Variants in PDXK observed in about 807,000 individuals in gnomAD.
The protein encoded by PDXK is epididymis secretory sperm binding protein Li 1a.
A neutral mutation model predicts 43.2 loss-of-function variants in PDXK; 15 were observed. The observed-to-expected ratio is 0.35, with a 90% CI of 0.23 to 0.53. PDXK has a LOEUF of 0.53. Among genes scored for constraint, PDXK ranks in the 20% least tolerant of loss-of-function variants. PDXK has a pLI of 0.92. For synonymous variants in PDXK, 172 were observed against 165.4 expected (o/e 1.04, Z -0.31); for missense variants, 343 against 417.0 (o/e 0.82, Z 1.54).
rs141434403 is a variant in PDXK at position 43,750,513 on chromosome 21, C to T, written c.478C>T (p.Arg160Trp). Residue 160 changes from arginine to tryptophan, a missense_variant, in exon 7 of 11, where the codon CGG becomes TGG. By Grantham distance (101) the Arg-to-Trp change is moderately radical. Coordinates refer to ENST00000291565, the MANE Select transcript of PDXK (RefSeq NM_003681.5). ...NQFEAELLSG[R>W]KIHSQEEALR... The stretch of plus-strand genomic sequence containing the variant: ...CCTGTCTTCCAGGTTACTGAGTGGC[C>T]GGAAGATCCACAGCCAGGAGGAAGC... The T allele has an allele frequency of 1.6e-4, 265 of 1,612,626 alleles. No homozygotes were observed. The highest frequency in any genetic ancestry group is 8.2e-4 in the Middle Eastern group (5 of 6,082).
rs752808008 is a variant in PDXK at position 43,752,647 on chromosome 21, G to A, written c.622+18G>A. ...GAGGAGGAGTAAGTGCCCCCATCGT[G>A]CACCGTGGCCGCCTCTGCTCTTCCC... On this transcript the variant is annotated intron_variant, in intron 8 of 10. Coordinates refer to ENST00000291565, the MANE Select transcript of PDXK (RefSeq NM_003681.5). 4 of 1,468,664 alleles carry A rather than the reference G, an allele frequency of 2.7e-6. No individual in the cohort carries two copies. In the East Asian group the frequency reaches 9.0e-5, roughly 33 times the overall value. The allele number at this position is 1,468,664 out of a possible 1,614,324, so 91.0% of individuals were successfully genotyped here. A position where few individuals can be genotyped will look rare whatever the true frequency, so the allele number is the denominator to read the frequency against.
At position 43,752,635 on chromosome 21, in the gene PDXK, T is replaced by G; in HGVS notation, c.622+6T>G. The stretch of plus-strand genomic sequence containing the variant: ...GCTGGGGAGTCAGAGGAGGAGTAAG[T>G]GCCCCCATCGTGCACCGTGGCCGCC... On this transcript the variant is annotated splice_donor_region_variant and intron_variant, in intron 8 of 10. Transcript: ENST00000291565. The G allele has an allele frequency of 1.9e-6, 3 of 1,566,156 alleles. No individual in the cohort carries two copies. Among genetic ancestry groups the G allele is most frequent in the Non-Finnish European group, 2.6e-6 (3 of 1,137,256 alleles).
intron 1 of PDXK, among the ~76,000 whole-genome samples, chr21:43,733,066 C>T (rs964268621): frequency 1.3e-5 from 2 of 152,162 alleles, no homozygotes; most frequent in African/African-American, 4.8e-5. Flanking sequence ...AGTTAAAGTG[C>T]TAACTTTAAC....
rs2083423724 is a variant in PDXK at position 43,737,405 on chromosome 21, C to A, written c.142+3282C>A. Reference sequence around the variant, plus strand: ...ACACCGTGAGCTGGGCTTGGCAGAGCCTCCACCTTGTGGCCAGTATTCCCA... The same window carrying A: ...ACACCGTGAGCTGGGCTTGGCAGAGACTCCACCTTGTGGCCAGTATTCCCA... On this transcript the variant is annotated intron_variant, in intron 2 of 10. Transcript: ENST00000291565. The surrounding 1 kb of genome is among the most constrained non-coding windows in gnomAD (Gnocchi z 4.8). 8.7e-7 allele frequency: 1 copy of A among 1,151,662 alleles called. No homozygotes were observed. Among genetic ancestry groups the A allele is most frequent in the Non-Finnish European group, 1.1e-6 (1 of 930,088 alleles). 71.3% of individuals were successfully genotyped at this position (1,151,662 alleles called of 1,614,324 possible).
chr21:43,744,871 G>A (rs954980868), intron 4 of PDXK, among the ~76,000 whole-genome samples: 1 of 152,224 alleles, frequency 6.6e-6, no homozygotes, highest in Non-Finnish European at 1.5e-5. Context: ...TGTGTCTGTT[G>A]ATGGGTGATA....
chr21:43,755,355 C>T, intron 9 of PDXK: 1 of 256,716 alleles, frequency 3.9e-6, no homozygotes, highest in Non-Finnish European at 7.6e-6. Flanking sequence ...AGGAGCACTT[C>T]CCCTTGTAGA....
At chr21:43,720,065 G>A (rs1434919281) in intron 1 of PDXK, among the ~76,000 whole-genome samples, 1 of 152,250 alleles carries the variant, frequency 6.6e-6, no homozygotes, top group Non-Finnish European at 1.5e-5. Context: ...TGTGCGGATT[G>A]GCTTTAGGGA....
Position 43,741,659 on chromosome 21 carries a change from G to T in PDXK, c.143-8G>T. 2 of 1,610,560 alleles carry T rather than the reference G, an allele frequency of 1.2e-6. No homozygotes were observed. Among genetic ancestry groups the T allele is most frequent in the South Asian group, 2.2e-5 (2 of 90,948 alleles). The stretch of plus-strand genomic sequence containing the variant: ...TGTCTGAGCCCCCATGGCTTCCTCT[G>T]CCTCTAGGCTATGCCCACTGGAAGG... On this transcript the variant is annotated splice_polypyrimidine_tract_variant and splice_region_variant and intron_variant, in intron 2 of 10. Coordinates refer to ENST00000291565, the MANE Select transcript of PDXK (RefSeq NM_003681.5).
In PDXK at chr21:43,741,685, G is replaced by A. The variant is rs367996357; in HGVS notation, c.161G>A (p.Gly54Asp). ...CCTCTAGGCTATGCCCACTGGAAGG[G>A]CCAAGTGCTGAATTCAGATGAGCTC... The part of the protein sequence containing the change: ...SNHTGYAHWK[G>D]QVLNSDELQE... Residue 54 changes from glycine to aspartate, a missense_variant, in exon 3 of 11, where the codon GGC becomes GAC. Coordinates refer to ENST00000291565, the MANE Select transcript of PDXK (RefSeq NM_003681.5). 1.2e-6 allele frequency: 2 copies of A among 1,612,802 alleles called. No individual in the cohort carries two copies. The highest frequency in any genetic ancestry group is 1.7e-6 in the Non-Finnish European group (2 of 1,179,156).
At chr21:43,744,636 C>T (rs1386601144) in intron 4 of PDXK, 2 of 152,184 alleles carry the variant, frequency 1.3e-5, no homozygotes, top group Non-Finnish European at 2.9e-5. Flanking sequence ...CAAGTGTGAG[C>T]GAGGATGCAG....
chr21:43,737,012 A>C lies in PDXK; in HGVS notation c.142+2889A>C. ...TGAAGTGGCGCAACCAGCTCACTGC[A>C]GCCTTGACCTCCTGGGCTGAAGCAA... On this transcript the variant is annotated intron_variant, in intron 2 of 10. Transcript: ENST00000291565. The surrounding 1 kb of genome is among the most constrained non-coding windows in gnomAD (Gnocchi z 4.8). 1.4e-6 allele frequency: 1 copy of C among 706,398 alleles called. No individual in the cohort carries two copies. The highest frequency in any genetic ancestry group is 1.5e-5 in the South Asian group (1 of 67,672). The allele number at this position is 706,398 out of a possible 1,614,324, so 43.8% of individuals were successfully genotyped here. A position where few individuals can be genotyped will look rare whatever the true frequency, so the allele number is the denominator to read the frequency against.
At chr21:43,755,549 G>T (rs2083833083) in intron 9 of PDXK, 149 bp from the exon 10 acceptor site, 6 of 719,278 alleles carry the variant, frequency 8.3e-6, no homozygotes, top group Non-Finnish European at 1.5e-5. Flanking sequence ...GTCCTCCAGG[G>T]TTCAGCACGT....
intron 1 of PDXK, chr21:43,729,144 T>G (rs6518317): frequency 2.4e-6 from 1 of 409,614 alleles, no homozygotes; most frequent in Non-Finnish European, 3.3e-6. Context: ...GCTGGGTGCT[T>G]GGCGCTTGTT....
chr21:43,720,156 C>T (rs1349117924), intron 1 of PDXK, among the ~76,000 whole-genome samples: 1 of 152,196 alleles, frequency 6.6e-6, no homozygotes, highest in African/African-American at 2.4e-5. Flanking sequence ...GGCCTGGGTG[C>T]AGTGGCGTGG....
rs373508787 is a variant in PDXK at position 43,741,623 on chromosome 21, T to C, written c.143-44T>C. ...GTCAAGGGAAGCCCACGGCCCCAGC[T>C]GGCCCCCTTGTGTCTGAGCCCCCAT... On this transcript the variant is annotated intron_variant, in intron 2 of 10. Transcript: ENST00000291565. 1,143 of 1,597,466 alleles carry C rather than the reference T, an allele frequency of 7.2e-4. 3 individuals are homozygous for C. Among genetic ancestry groups the C allele is most frequent in the South Asian group, 6.2e-3 (559 of 90,436 alleles).
chr21:43,737,734 C>G lies in PDXK; in HGVS notation c.142+3611C>G. 1.0e-6 allele frequency: 1 copy of G among 953,622 alleles called. No homozygotes were observed. The highest frequency in any genetic ancestry group is 1.2e-6 in the Non-Finnish European group (1 of 809,034). The allele number at this position is 953,622 out of a possible 1,614,324, so 59.1% of individuals were successfully genotyped here. Reference sequence around the variant, plus strand: ...CGGGCCAGGAGCCTGCCGACGGACACCAGCGAGGGGCCAGGCCGGGCCAGA... The same window carrying G: ...CGGGCCAGGAGCCTGCCGACGGACAGCAGCGAGGGGCCAGGCCGGGCCAGA... On this transcript the variant is annotated intron_variant, in intron 2 of 10. Coordinates refer to ENST00000291565, the MANE Select transcript of PDXK (RefSeq NM_003681.5). The surrounding 1 kb of genome is among the most constrained non-coding windows in gnomAD (Gnocchi z 4.8).
At chr21:43,750,346 A>C (rs1022646351) in intron 6 of PDXK, among the ~76,000 whole-genome samples, 154 bp from the exon 7 acceptor site, 2 of 152,242 alleles carry the variant, frequency 1.3e-5, no homozygotes, top group African/African-American at 4.8e-5. Flanking sequence ...CACATGTTGC[A>C]GGGGCCCCGG....
intron 4 of PDXK, among the ~76,000 whole-genome samples, 160 bp downstream of exon 4, chr21:43,743,967 TG>T (rs769509681): frequency 2.9e-4 from 44 of 152,180 alleles, no homozygotes; most frequent in South Asian, 6.2e-4. Flanking sequence ...CCTCTGAAGA[TG>T]TTGGCCTGCT....
intron 1 of PDXK, chr21:43,733,565 C>T: frequency 2.7e-6 from 2 of 742,804 alleles, no homozygotes; most frequent in Non-Finnish European, 3.3e-6. Flanking sequence ...CACACCCACT[C>T]CCTGACTCTC....
Sources: allele counts gnomAD v4.1 joint callset (sites outside exome capture counted in the v4.1 genomes callset), GRCh38; gene constraint gnomAD v4.1.1; non-coding constraint Gnocchi (gnomAD v3.1); transcripts MANE v1.5; gene names NCBI Gene and HGNC (gene_info 2026-07-23, HGNC 2026-07-21).